The following AKAP14 variants were observed in gnomAD, a reference collection of about 807,000 sequenced individuals.
AKAP14 encodes the protein A-kinase anchoring protein 14.
AKAP14 carries 4 observed loss-of-function variants against 17.0 expected under a neutral mutation model. The observed-to-expected ratio is 0.23, with a 90% confidence interval of 0.12 to 0.54. The LOEUF (loss-of-function observed/expected upper bound fraction) is 0.54, where lower values mean the gene tolerates loss of function less well. Ranked by LOEUF, AKAP14 falls within the 20% of genes least tolerant of loss-of-function variation. AKAP14 has a pLI of 0.95. For missense variants in AKAP14, 129 were observed against 150.9 expected (o/e 0.85, Z 0.76); for synonymous variants, 42 against 51.3 (o/e 0.82, Z 0.77).
chrX:119,903,168 A>ATG (rs1375591483), intron 2 of AKAP14, 46 bp from the exon 3 acceptor site: 2 of 1,094,261 alleles, frequency 1.8e-6, no homozygotes, highest in African/African-American at 3.7e-5. Flanking sequence ...GTGCGTTCAC[A>ATG]TGTGTGTACA....
intron 5 of AKAP14, among the ~76,000 whole-genome samples, chrX:119,917,871 G>A (rs1447948431): frequency 8.9e-6 from 1 of 112,819 alleles, no homozygotes; most frequent in African/African-American, 3.2e-5. Context: ...CAGGTGTGGG[G>A]TAGGGATTCA....
intron 4 of AKAP14, among the ~76,000 whole-genome samples, chrX:119,912,446 T>C (rs1412337066): frequency 6.3e-5 from 7 of 110,335 alleles, no homozygotes; most frequent in Non-Finnish European, 1.3e-4. Context: ...TTGAGACACA[T>C]TTCAGGTAGA....
rs1384428029 is a variant in AKAP14, at chrX:119,903,230, G to A, written c.7G>A (p.Glu3Lys). Residue 3 changes from glutamate (E) to lysine (K), a missense_variant, in exon 3 of 7, where the codon GAG becomes AAG. By Grantham distance (56) the Glu-to-Lys change is moderately conservative. Coordinates refer to ENST00000371431, the MANE Select transcript of AKAP14 (RefSeq NM_178813.6). ...TTTCCCCAGGAAAAAGAAAATGAGT[G>A]AGACTCAAAATTCAACAAGCCAGAA... The part of the protein sequence containing the change: MS[E>K]TQNSTSQKAM... The A allele has an allele frequency of 8.3e-7, 1 of 1,209,491 alleles. No individual in the cohort carries two copies. Among genetic ancestry groups the A allele is most frequent in the Admixed American group, 2.2e-5 (1 of 45,559 alleles).
chrX:119,898,895 G>A (rs1196504116), intron 2 of AKAP14, among the ~76,000 whole-genome samples: 4 of 107,997 alleles, frequency 3.7e-5, no homozygotes, highest in Non-Finnish European at 3.8e-5. Flanking sequence ...AAGGCCAGGC[G>A]CGATGGCTCA....
At chrX:119,906,397 C>G (rs756076106) in intron 4 of AKAP14, among the ~76,000 whole-genome samples, 1 of 106,419 alleles carries the variant, frequency 9.4e-6, no homozygotes. Flanking sequence ...ACCGTGCTGG[C>G]TAATATTTTG....
chrX:119,898,120 G>A (rs772862840), intron 2 of AKAP14, among the ~76,000 whole-genome samples: 3 of 111,832 alleles, frequency 2.7e-5, no homozygotes, highest in Non-Finnish European at 5.6e-5. Flanking sequence ...CCGAGATTGC[G>A]CCACCGCACT....
intron 4 of AKAP14, among the ~76,000 whole-genome samples, chrX:119,912,151 G>C (rs1478941578): frequency 1.8e-5 from 2 of 108,672 alleles, no homozygotes; most frequent in South Asian, 3.9e-4. Flanking sequence ...AGCTGGTCTC[G>C]AACTCCTGAC....
chrX:119,903,781 C>A, intron 4 of AKAP14, 195 bp downstream of exon 4: 2 of 757,945 alleles, frequency 2.6e-6, no homozygotes, highest in Admixed American at 3.2e-5. Context: ...AATGCACAAT[C>A]ACAATCATTT....
chrX:119,920,686 A>G lies in AKAP14; in HGVS notation c.*79A>G. 2.7e-6 allele frequency: 2 copies of G among 741,918 alleles called. No homozygotes were observed. Among genetic ancestry groups the G allele is most frequent in the South Asian group, 6.3e-5 (2 of 31,699 alleles). The allele number at this position is 741,918 out of a possible 1,213,427, so 61.1% of individuals were successfully genotyped here. On this transcript the variant is annotated 3_prime_UTR_variant, in exon 7 of 7. Transcript: ENST00000371431. ...AATACAGCACGTCAAACCACAGAAT[A>G]TTTATTGAGTAATAAACTTGTGGCA...
intron 4 of AKAP14, 72 bp downstream of exon 4, chrX:119,903,658 A>G: frequency 8.4e-7 from 1 of 1,187,031 alleles, no homozygotes; most frequent in Non-Finnish European, 1.1e-6. Flanking sequence ...AGCAGATCAA[A>G]AGTTTGAAGT....
At chrX:119,917,045 A>G (rs1323786820) in intron 5 of AKAP14, among the ~76,000 whole-genome samples, 6 of 103,812 alleles carry the variant, frequency 5.8e-5, no homozygotes, top group Admixed American at 5.1e-4. Context: ...GGCGGAGGTC[A>G]CAGTGAGCCG....
chrX:119,919,897 C>A lies in AKAP14; in HGVS notation c.442-14C>A. The A allele has an allele frequency of 8.3e-7, 1 of 1,206,330 alleles. No homozygotes were observed. The highest frequency in any genetic ancestry group is 1.1e-6 in the Non-Finnish European group (1 of 891,805). On this transcript the variant is annotated splice_polypyrimidine_tract_variant and intron_variant, in intron 5 of 6. Transcript: ENST00000371431. ...TGACTGGTCTGGGCTAACAGTTGTC[C>A]TTCTCTTTTTTAGGATGCACCCATT...
intron 4 of AKAP14, among the ~76,000 whole-genome samples, chrX:119,907,361 CCTCAAGTGATCT>C (rs1203627073): frequency 2.7e-5 from 3 of 110,735 alleles, no homozygotes; most frequent in Non-Finnish European, 3.8e-5. Flanking sequence ...AAACTCCTGA[CCTCAAGTGATCT>C]GCCCACCTCA....
intron 4 of AKAP14, among the ~76,000 whole-genome samples, chrX:119,909,003 A>G (rs1465544715): frequency 9.0e-6 from 1 of 110,829 alleles, no homozygotes; most frequent in Admixed American, 9.7e-5. Context: ...AGTCCTGGGT[A>G]CCAGTCCCAG....
At chrX:119,908,838 C>T (rs1260370062) in intron 4 of AKAP14, among the ~76,000 whole-genome samples, 1 of 111,742 alleles carries the variant, frequency 8.9e-6, no homozygotes, top group Admixed American at 9.6e-5. Flanking sequence ...GGAGGAGATT[C>T]GCCTGATGAA....
intron 4 of AKAP14, among the ~76,000 whole-genome samples, chrX:119,912,799 C>T (rs370570715): frequency 1.8e-5 from 2 of 111,461 alleles, no homozygotes; most frequent in African/African-American, 6.5e-5. Flanking sequence ...AATCCACGTG[C>T]GCTCAAGTCC....
At chrX:119,912,218 A>G (rs1199910962) in intron 4 of AKAP14, among the ~76,000 whole-genome samples, 1 of 112,070 alleles carries the variant, frequency 8.9e-6, no homozygotes, top group Non-Finnish European at 1.9e-5. Flanking sequence ...GGCGTGAGCC[A>G]CTAAGCTTGC....
chrX:119,896,805 C>CTTTTTTTTTTTTTTTT (rs765107118), intron 2 of AKAP14, among the ~76,000 whole-genome samples: 1 of 70,769 alleles, frequency 1.4e-5, no homozygotes, highest in Non-Finnish European at 2.5e-5. Flanking sequence ...CTTTTCTTTT[C>CTTTTTTTTTTTTTTTT]TTTTTTTCTT....
chrX:119,896,997 A>G (rs2056532157), intron 2 of AKAP14, among the ~76,000 whole-genome samples: 1 of 107,440 alleles, frequency 9.3e-6, no homozygotes, highest in South Asian at 4.0e-4. Context: ...TTTAGTAGAG[A>G]CGGGATTTTG....
Sources: gnomAD v4.1 joint callset for allele counts (sites outside exome capture counted in the v4.1 genomes callset) on GRCh38, gnomAD v4.1.1 for gene constraint, MANE v1.5 for transcripts, NCBI Gene and HGNC (gene_info 2026-07-23, HGNC 2026-07-21) for gene names.